Variants in SGCZ observed in about 807,000 individuals in gnomAD.
SGCZ encodes the protein sarcoglycan zeta.
In SGCZ, 40 loss-of-function variants were observed where a neutral mutation model predicts 41.3. The observed-to-expected ratio is 0.97, with a 90% confidence interval of 0.75 to 1.26. The LOEUF (loss-of-function observed/expected upper bound fraction) is 1.26, where lower values mean the gene tolerates loss of function less well. Among genes scored for constraint, SGCZ ranks in the 50% most tolerant of loss-of-function variants. The pLI is 0.00. For missense variants in SGCZ, 552 were observed against 369.8 expected (o/e 1.49, Z -4.04); for synonymous variants, 206 against 137.5 (o/e 1.50, Z -3.49).
At chr8:14,197,764 G>A (rs936033609) in intron 4 of SGCZ, among the ~76,000 whole-genome samples, 14 of 151,874 alleles carry the variant, frequency 9.2e-5, no homozygotes, top group African/African-American at 3.1e-4. Flanking sequence ...AAGCAAAAAT[G>A]TCATTCACCA....
At chr8:15,036,701 T>C (rs1160153593) in intron 1 of SGCZ, among the ~76,000 whole-genome samples, 1 of 152,010 alleles carries the variant, frequency 6.6e-6, no homozygotes, top group South Asian at 2.1e-4. Context: ...TCCAAAAAAT[T>C]GAAGAGGAGG....
At chr8:14,317,086 T>A (rs6981825) in intron 3 of SGCZ, among the ~76,000 whole-genome samples, 1 of 152,064 alleles carries the variant, frequency 6.6e-6, no homozygotes, top group Admixed American at 6.6e-5. Context: ...AATCCTTTGA[T>A]TCTACTTTTG....
At chr8:14,276,577 T>C (rs1266062184) in intron 3 of SGCZ, among the ~76,000 whole-genome samples, 2 of 152,180 alleles carry the variant, frequency 1.3e-5, no homozygotes, top group South Asian at 2.1e-4. Context: ...ATGTTTCCTA[T>C]ATCCACTGGC....
rs79571009 is a variant in SGCZ, at chr8:15,152,299, T to C, written c.39+85286A>G. ...TGATGAACTAAGGGTCAGAAAAAAA[T>C]ATGTAAAAACAAGGATAAGTGGAAG... On this transcript the variant is annotated intron_variant, in intron 1 of 7. Transcript: ENST00000382080. Among the ~76,000 whole-genome samples the C allele has an allele frequency of 9.2e-3, 1,404 of 152,000 alleles. 24 individuals carry two copies. The highest frequency in any genetic ancestry group is 0.032 in the African/African-American group (1,335 of 41,416).
chr8:14,491,728 C>T (rs1332402923), intron 2 of SGCZ, among the ~76,000 whole-genome samples: 3 of 152,154 alleles, frequency 2.0e-5, no homozygotes, highest in African/African-American at 7.2e-5. Flanking sequence ...TCCAGTAACT[C>T]TCCACTGCAC....
At chr8:14,652,268 G>A (rs1248486625) in intron 1 of SGCZ, among the ~76,000 whole-genome samples, 1 of 145,962 alleles carries the variant, frequency 6.9e-6, no homozygotes, top group South Asian at 2.3e-4. Flanking sequence ...TTGAACCCGG[G>A]AGGTGGAGGT....
At chr8:15,159,731 G>A (rs897109589) in intron 1 of SGCZ, among the ~76,000 whole-genome samples, 4 of 8,194 alleles carry the variant, frequency 4.9e-4, no homozygotes, top group East Asian at 7.6e-3. Context: ...CCTCGCCCCC[G>A]CCCCCCCCAC....
intron 1 of SGCZ, among the ~76,000 whole-genome samples, chr8:14,905,461 C>G (rs1799094161): frequency 6.6e-6 from 1 of 152,000 alleles, no homozygotes; most frequent in African/African-American, 2.4e-5. Context: ...TAAGGACACT[C>G]ATTTACTGCT....
At chr8:15,019,996 A>C (rs1323073018) in intron 1 of SGCZ, among the ~76,000 whole-genome samples, 1 of 151,776 alleles carries the variant, frequency 6.6e-6, no homozygotes, top group Non-Finnish European at 1.5e-5. Context: ...TTTACTAGCA[A>C]GTCATTGTTA....
intron 2 of SGCZ, among the ~76,000 whole-genome samples, chr8:14,456,985 G>A (rs1025978541): frequency 1.3e-5 from 2 of 152,262 alleles, no homozygotes; most frequent in Non-Finnish European, 1.5e-5. Context: ...AGGCCTCCCA[G>A]AAGCAGATGC....
chr8:14,985,520 G>A (rs1408799394), intron 1 of SGCZ, among the ~76,000 whole-genome samples: 1 of 152,282 alleles, frequency 6.6e-6, no homozygotes, highest in East Asian at 1.9e-4. Context: ...CAGAGATTCA[G>A]AGTCTGACCT....
At chr8:14,315,136 G>A (rs1445802248) in intron 3 of SGCZ, among the ~76,000 whole-genome samples, 1 of 152,102 alleles carries the variant, frequency 6.6e-6, no homozygotes, top group African/African-American at 2.4e-5. Flanking sequence ...GGCTCACCTT[G>A]GAGTCCTGAA....
chr8:14,419,029 A>T (rs929635771), intron 2 of SGCZ, among the ~76,000 whole-genome samples: 2 of 151,962 alleles, frequency 1.3e-5, no homozygotes, highest in Non-Finnish European at 2.9e-5. Context: ...TTAATATTAC[A>T]TATCTACTAA....
intron 1 of SGCZ, among the ~76,000 whole-genome samples, chr8:15,224,233 A>G (rs1448669915): frequency 1.3e-5 from 2 of 152,218 alleles, no homozygotes; most frequent in Non-Finnish European, 2.9e-5. Flanking sequence ...TTCTTCTTTC[A>G]TAAAGATTCA....
intron 1 of SGCZ, among the ~76,000 whole-genome samples, chr8:14,645,856 T>C (rs746992960): frequency 1.6e-4 from 25 of 151,748 alleles, no homozygotes; most frequent in Non-Finnish European, 3.2e-4. Flanking sequence ...TATGAAAGCA[T>C]TGTTTTACTC....
chr8:15,041,158 T>G (rs1161322523), intron 1 of SGCZ, among the ~76,000 whole-genome samples: 2 of 152,044 alleles, frequency 1.3e-5, no homozygotes, highest in East Asian at 3.9e-4. Flanking sequence ...ATTTATTTTT[T>G]TTATAACATA....
intron 5 of SGCZ, among the ~76,000 whole-genome samples, chr8:14,161,668 TTTA>T (rs2116977581): frequency 6.6e-6 from 1 of 152,280 alleles, no homozygotes; most frequent in Admixed American, 6.5e-5. Context: ...ATTTTATTAT[TTTA>T]TTAAGATCAT....
At chr8:14,309,278 C>A in intron 3 of SGCZ, 1 of 1,558,260 alleles carries the variant, frequency 6.4e-7, no homozygotes, top group Admixed American at 1.7e-5. Flanking sequence ...TAATTTAATG[C>A]CTGGCTGTGA....
At chr8:14,779,231 A>G (rs78553033) in intron 1 of SGCZ, among the ~76,000 whole-genome samples, 1,964 of 152,306 alleles carry the variant, frequency 0.013, 26 homozygotes, top group Non-Finnish European at 0.022. Context: ...GACTTCCCAA[A>G]CTAAGAAATT....
Sources: gnomAD v4.1 joint callset for allele counts (sites outside exome capture counted in the v4.1 genomes callset) on GRCh38, gnomAD v4.1.1 for gene constraint, MANE v1.5 for transcripts, NCBI Gene and HGNC (gene_info 2026-07-23, HGNC 2026-07-21) for gene names.